Variants in NDUFAF5 observed in about 807,000 individuals in gnomAD.
The protein encoded by NDUFAF5 is arginine-hydroxylase NDUFAF5, mitochondrial.
NDUFAF5 carries 34 observed loss-of-function variants against 48.9 expected under a neutral mutation model. That is an observed-to-expected ratio of 0.70 (90% CI 0.53 to 0.93). The LOEUF is 0.93. NDUFAF5 is among the 40% of genes least tolerant of loss of function. NDUFAF5 has a pLI of 0.00. For synonymous variants in NDUFAF5, 153 were observed against 150.6 expected, an observed-to-expected ratio of 1.02 and a Z score of -0.12; for missense variants, 428 against 427.5, an observed-to-expected ratio of 1.00 and a Z score of -0.01.
At chr20:13,790,875 G>A (rs896395485) in intron 3 of NDUFAF5, among the ~76,000 whole-genome samples, 1 of 152,162 alleles carries the variant, frequency 6.6e-6, no homozygotes, top group African/African-American at 2.4e-5. Flanking sequence ...TCCCGTGACT[G>A]CTTTAGAAAA....
chr20:13,806,796 A>T (rs542550746), intron 7 of NDUFAF5, among the ~76,000 whole-genome samples: 1 of 152,374 alleles, frequency 6.6e-6, no homozygotes, highest in Admixed American at 6.5e-5. Context: ...GGTCTCATTA[A>T]AAAGCATACA....
At chr20:13,810,517 G>T (rs894147193) in intron 8 of NDUFAF5, among the ~76,000 whole-genome samples, 1 of 152,090 alleles carries the variant, frequency 6.6e-6, no homozygotes, top group Admixed American at 6.6e-5. Flanking sequence ...GATATGTGCT[G>T]TTCTTTCAAG....
At chr20:13,800,120 C>T (rs1056385212) in intron 6 of NDUFAF5, among the ~76,000 whole-genome samples, 2 of 152,072 alleles carry the variant, frequency 1.3e-5, no homozygotes, top group East Asian at 3.9e-4. Flanking sequence ...TGACTTTGGA[C>T]TTCTGAGAAG....
At chr20:13,808,226 G>A (rs543117755) in intron 7 of NDUFAF5, among the ~76,000 whole-genome samples, 5 of 152,268 alleles carry the variant, frequency 3.3e-5, no homozygotes, top group Non-Finnish European at 7.3e-5. Context: ...AGATTGGGAA[G>A]TGTCAAGGAG....
intron 7 of NDUFAF5, among the ~76,000 whole-genome samples, chr20:13,807,800 T>C (rs1985272302): frequency 6.6e-6 from 1 of 150,564 alleles, no homozygotes; most frequent in African/African-American, 2.4e-5. Context: ...AAAAAAAAAA[T>C]TAGCTGGGCA....
In NDUFAF5 at chr20:13,817,345, C is replaced by T. The variant is rs6033828; in HGVS notation, c.*135C>T. The T allele has an allele frequency of 3.9e-6, 3 of 766,472 alleles. No homozygotes were observed. Among genetic ancestry groups the T allele is most frequent in the Non-Finnish European group, 7.0e-6 (3 of 426,758 alleles). 47.5% of individuals were successfully genotyped at this position (766,472 alleles called of 1,614,324 possible). On this transcript the variant is annotated 3_prime_UTR_variant, in exon 11 of 11. Transcript: ENST00000378106. ...AGGCTTTTCATATAATTAGGAAAAC[C>T]TAATATCACATCTATAGTAACCATT...
intron 1 of NDUFAF5, among the ~76,000 whole-genome samples, chr20:13,785,586 C>G (rs1190447676): frequency 6.6e-6 from 1 of 152,156 alleles, no homozygotes; most frequent in Non-Finnish European, 1.5e-5. Context: ...TAGGAGGACC[C>G]AAATCATCAG....
At chr20:13,804,123 G>A (rs1402637245) in intron 7 of NDUFAF5, among the ~76,000 whole-genome samples, 1 of 152,162 alleles carries the variant, frequency 6.6e-6, no homozygotes, top group Non-Finnish European at 1.5e-5. Context: ...AGGGAAGAAT[G>A]ACATTGCTTC....
intron 3 of NDUFAF5, 24 bp from the exon 4 acceptor site, chr20:13,793,156 T>C: frequency 6.2e-7 from 1 of 1,613,798 alleles, no homozygotes; most frequent in Non-Finnish European, 8.5e-7. Context: ...TTTGTTTGTT[T>C]CAGCTTCAGT....
At chr20:13,807,308 A>C (rs1369037561) in intron 7 of NDUFAF5, among the ~76,000 whole-genome samples, 1 of 152,020 alleles carries the variant, frequency 6.6e-6, no homozygotes, top group Non-Finnish European at 1.5e-5. Context: ...GGCCTCCCAA[A>C]GTGCTGGGAT....
chr20:13,800,055 G>A (rs1395473687), intron 6 of NDUFAF5, among the ~76,000 whole-genome samples: 2 of 152,182 alleles, frequency 1.3e-5, no homozygotes, highest in Non-Finnish European at 2.9e-5. Context: ...GTTGGAGGGA[G>A]CAGGGACGGT....
chr20:13,788,080 C>G (rs1253588657), intron 2 of NDUFAF5, among the ~76,000 whole-genome samples: 2 of 152,164 alleles, frequency 1.3e-5, no homozygotes, highest in Admixed American at 6.5e-5. Flanking sequence ...GCTTCAGACA[C>G]TTAGCACAGT....
At chr20:13,813,971 T>TTG (rs1026288301) in intron 8 of NDUFAF5, 1 of 159,514 alleles carries the variant, frequency 6.3e-6, no homozygotes, top group Admixed American at 6.1e-5. Context: ...TGAGATACAT[T>TTG]TGTGTGTGTT....
chr20:13,801,607 C>T lies in NDUFAF5; in HGVS notation c.641C>T (p.Pro214Leu), dbSNP rs138351379. 215 of 1,613,896 alleles carry T rather than the reference C, an allele frequency of 1.3e-4. No individual in the cohort carries two copies. The highest frequency in any genetic ancestry group is 1.7e-4 in the Non-Finnish European group (206 of 1,179,998). ...AETEREGGFSPHISPFTAVND... is the reference protein window; with the variant it reads ...AETEREGGFSLHISPFTAVND... The stretch of plus-strand genomic sequence containing the variant: ...ACGGAAAGGGAAGGAGGATTTTCTC[C>T]ACACATTTCTCCTTTCACTGCTGTC... The change falls in exon 7 of 11, where the codon CCA (proline) becomes CTA (leucine). Residue 214 changes from proline (P) to leucine (L), a missense_variant. Pro to Leu is a moderately conservative substitution (Grantham distance 98). Transcript: ENST00000378106.
intron 7 of NDUFAF5, chr20:13,803,369 A>G (rs973676894): frequency 2.6e-5 from 4 of 152,262 alleles, no homozygotes; most frequent in South Asian, 2.1e-4. Context: ...ACCGCTTCAC[A>G]TGAGTGCTCT....
intron 3 of NDUFAF5, among the ~76,000 whole-genome samples, chr20:13,789,601 G>A (rs184749252): frequency 1.1e-4 from 16 of 151,718 alleles, no homozygotes; most frequent in East Asian, 3.9e-4. Context: ...TCAGCCTCCC[G>A]AGTACCTGGG....
At chr20:13,805,273 G>A (rs1430842052) in intron 7 of NDUFAF5, among the ~76,000 whole-genome samples, 3 of 151,850 alleles carry the variant, frequency 2.0e-5, no homozygotes, top group East Asian at 1.9e-4. Flanking sequence ...TGCCCATTAC[G>A]AAAAAAATGG....
chr20:13,793,199 T>C lies in NDUFAF5; in HGVS notation c.347T>C (p.Phe116Ser). The C allele has an allele frequency of 6.2e-7, 1 of 1,614,014 alleles. No homozygotes were observed. ...YLNKETIGKF[F>S]QADIAENALK... ...TTGCAGGAAACTATTGGAAAGTTTT[T>C]CCAAGCTGACATTGCAGAAAATGCT... The change falls in exon 4 of 11, where the codon TTC (phenylalanine) becomes TCC (serine). Residue 116 changes from phenylalanine to serine, a missense_variant. Transcript: ENST00000378106.
rs1327719757 is a variant in NDUFAF5 at position 13,819,344 on chromosome 20, T to C, written c.*2134T>C. On this transcript the variant is annotated 3_prime_UTR_variant, in exon 11 of 11. Transcript: ENST00000378106. ...ATGGTATATGATAAATAATCATCTT[T>C]TTTGTTGGTTTATTTTTTTATTTTT... The C allele has an allele frequency of 6.6e-6, 1 of 152,206 alleles. No individual in the cohort carries two copies. Among genetic ancestry groups the C allele is most frequent in the East Asian group, 1.9e-4 (1 of 5,204 alleles). The allele number at this position is 152,206 out of a possible 1,614,324, so 9.4% of individuals were successfully genotyped here. A position where few individuals can be genotyped will look rare whatever the true frequency, so the allele number is the denominator to read the frequency against.
Sources: allele counts gnomAD v4.1 joint callset (sites outside exome capture counted in the v4.1 genomes callset), GRCh38; gene constraint gnomAD v4.1.1; transcripts MANE v1.5; gene names NCBI Gene and HGNC (gene_info 2026-07-23, HGNC 2026-07-21).